LANCL2: variants seen among roughly 807,000 people sequenced by gnomAD.
LANCL2 encodes the protein lanC-like protein 2.
In LANCL2, 33 loss-of-function variants were observed where a neutral mutation model predicts 56.9. The ratio of observed to expected loss-of-function variants is 0.58; its 90% CI spans 0.44 to 0.78. LANCL2 has a LOEUF of 0.78. LANCL2 is among the 30% of genes least tolerant of loss of function. The probability of loss-of-function intolerance (pLI) is 0.00; values close to 1 mark genes in which losing one functional copy is unlikely to be tolerated. For missense variants in LANCL2, 562 were observed against 580.2 expected, an observed-to-expected ratio of 0.97 and a Z score of 0.32; for synonymous variants, 233 against 228.2, an observed-to-expected ratio of 1.02 and a Z score of -0.19.
chr7:55,376,322 TAGAC>T (rs1442079232), intron 1 of LANCL2, among the ~76,000 whole-genome samples: 9 of 152,222 alleles, frequency 5.9e-5, no homozygotes, highest in African/African-American at 1.9e-4. Flanking sequence ...GCAACAGTCT[TAGAC>T]AGAGTCAGTG....
intron 6 of LANCL2, among the ~76,000 whole-genome samples, chr7:55,413,256 C>A (rs815982): frequency 0.89 from 135,095 of 152,254 alleles, 60,285 homozygotes; most frequent in African/African-American, 0.95. Context: ...CTTCAGTGTC[C>A]TAGAGGGACA....
At chr7:55,401,864 TCA>T (rs1224774583) in intron 5 of LANCL2, among the ~76,000 whole-genome samples, 15 of 125,602 alleles carry the variant, frequency 1.2e-4, no homozygotes, top group African/African-American at 4.8e-4. Flanking sequence ...GGGGGTAAGG[TCA>T]CAGATCAACA....
intron 1 of LANCL2, among the ~76,000 whole-genome samples, chr7:55,368,341 T>C (rs1371846420): frequency 6.6e-6 from 1 of 152,236 alleles, no homozygotes; most frequent in African/African-American, 2.4e-5. Flanking sequence ...GCTTGTGATA[T>C]CTCTGCAATG....
intron 5 of LANCL2, among the ~76,000 whole-genome samples, chr7:55,407,046 ACT>A (rs1371903584): frequency 4.6e-5 from 7 of 151,858 alleles, no homozygotes; most frequent in South Asian, 2.1e-4. Flanking sequence ...GGCTTGGGGG[ACT>A]CTCTGGCACA....
intron 5 of LANCL2, among the ~76,000 whole-genome samples, chr7:55,406,508 G>A (rs187373743): frequency 2.6e-4 from 40 of 152,286 alleles, no homozygotes; most frequent in African/African-American, 9.6e-4. Context: ...AGCAGGGTGA[G>A]CCCCACCTCT....
At chr7:55,383,433 A>C (rs1790090464) in intron 1 of LANCL2, among the ~76,000 whole-genome samples, 1 of 152,116 alleles carries the variant, frequency 6.6e-6, no homozygotes, top group South Asian at 2.1e-4. Flanking sequence ...CCTCAAAGTA[A>C]TTGGCCCTCC....
chr7:55,420,639 T>C (rs1790598274), intron 6 of LANCL2, among the ~76,000 whole-genome samples: 1 of 152,236 alleles, frequency 6.6e-6, no homozygotes, highest in Admixed American at 6.5e-5. Flanking sequence ...TATTTTAGGC[T>C]TGTGGTCCAT....
chr7:55,392,888 A>G (rs934873770), intron 2 of LANCL2, among the ~76,000 whole-genome samples: 4 of 152,124 alleles, frequency 2.6e-5, no homozygotes, highest in Non-Finnish European at 5.9e-5. Context: ...GGTCATTGTG[A>G]CAGGCTGTGG....
chr7:55,416,865 A>G (rs1257663535), intron 6 of LANCL2, among the ~76,000 whole-genome samples: 1 of 151,722 alleles, frequency 6.6e-6, no homozygotes, highest in Non-Finnish European at 1.5e-5. Flanking sequence ...CAGGTTATAT[A>G]GATAATACTC....
intron 1 of LANCL2, among the ~76,000 whole-genome samples, chr7:55,379,211 T>C (rs1395077503): frequency 1.3e-5 from 2 of 152,212 alleles, no homozygotes; most frequent in East Asian, 3.9e-4. Flanking sequence ...GTTAGTAGCA[T>C]ATGCTTTGGA....
chr7:55,404,082 A>G (rs980905927), intron 5 of LANCL2, among the ~76,000 whole-genome samples: 5 of 152,196 alleles, frequency 3.3e-5, no homozygotes, highest in African/African-American at 1.2e-4. Context: ...CATCCCTGAC[A>G]ACGATAGAGT....
chr7:55,406,848 T>C (rs907383472), intron 5 of LANCL2, among the ~76,000 whole-genome samples: 1 of 152,166 alleles, frequency 6.6e-6, no homozygotes, highest in African/African-American at 2.4e-5. Flanking sequence ...CTAGGGGACA[T>C]CTGGAGCTCC....
At position 55,425,367 on chromosome 7, in the gene LANCL2, C is replaced by T. The variant is rs143027206; in HGVS notation, c.1122C>T (p.Gly374=). The T allele has an allele frequency of 1.2e-5, 19 of 1,614,158 alleles. No individual in the cohort carries two copies. In the East Asian group the frequency reaches 4.2e-4, roughly 36 times the overall value. ...TATGCCATGGGACTGCTGGCAACGGCTATTCCTTCCTGTCCCTTTACCGTC... is the reference window on the plus strand; with the variant it reads ...TATGCCATGGGACTGCTGGCAACGGTTATTCCTTCCTGTCCCTTTACCGTC... The part of the protein sequence containing the change: ...YGICHGTAGN[G]YSFLSLYRLT... The change falls in exon 7 of 9, where the codon GGC becomes GGT. Residue 374 remains glycine, a synonymous_variant. Transcript: ENST00000254770.
chr7:55,372,574 A>G (rs1018124551), intron 1 of LANCL2, among the ~76,000 whole-genome samples: 2 of 152,248 alleles, frequency 1.3e-5, no homozygotes, highest in African/African-American at 4.8e-5. Context: ...TAATACATTT[A>G]AAACATTCAG....
intron 7 of LANCL2, among the ~76,000 whole-genome samples, chr7:55,425,922 CT>C (rs1237840729): frequency 6.6e-6 from 1 of 152,228 alleles, no homozygotes; most frequent in Non-Finnish European, 1.5e-5. Flanking sequence ...ACCTTGGCCC[CT>C]CTCTGTGTCT....
chr7:55,389,424 TTAAATA>T (rs1369656132), intron 1 of LANCL2, among the ~76,000 whole-genome samples: 11 of 152,148 alleles, frequency 7.2e-5, no homozygotes, highest in Non-Finnish European at 1.0e-4. Flanking sequence ...GAGATGGACT[TTAAATA>T]TAAAGAAAAA....
chr7:55,401,459 A>C, intron 5 of LANCL2, 139 bp downstream of exon 5: 2 of 400,646 alleles, frequency 5.0e-6, no homozygotes, highest in Non-Finnish European at 4.2e-6. Flanking sequence ...CACATAAACC[A>C]CAGGCAGTGG....
intron 6 of LANCL2, among the ~76,000 whole-genome samples, chr7:55,419,432 T>C (rs1790582349): frequency 6.6e-6 from 1 of 150,528 alleles, no homozygotes; most frequent in Admixed American, 6.6e-5. Flanking sequence ...GATAGAATCT[T>C]GCTGTTTCTC....
chr7:55,422,017 C>T (rs1249756953), intron 6 of LANCL2, among the ~76,000 whole-genome samples: 2 of 152,204 alleles, frequency 1.3e-5, no homozygotes, highest in African/African-American at 2.4e-5. Context: ...CAGGTGTGAA[C>T]TACCATAGGG....
Sources: allele counts gnomAD v4.1 joint callset (sites outside exome capture counted in the v4.1 genomes callset), GRCh38; gene constraint gnomAD v4.1.1; transcripts MANE v1.5; gene names NCBI Gene and HGNC (gene_info 2026-07-23, HGNC 2026-07-21).